SLIT3: variants seen among roughly 807,000 people sequenced by gnomAD.
SLIT3 encodes slit guidance ligand 3, also known as slit homolog 3 protein.
Under a neutral mutation model 184.0 loss-of-function variants are expected in SLIT3, and 68 were observed. The ratio of observed to expected loss-of-function variants is 0.37; its 90% CI spans 0.30 to 0.45. The LOEUF is 0.45. Among genes scored for constraint, SLIT3 ranks in the 20% least tolerant of loss-of-function variants. The pLI, the probability that SLIT3 is intolerant of heterozygous loss-of-function variation, is 1.00. For missense variants in SLIT3, 1,707 were observed against 2,026.0 expected (o/e 0.84, Z 3.02); for synonymous variants, 831 against 828.6 (o/e 1.00, Z -0.05).
At chr5:168,718,132 A>G (rs1762805760) in intron 23 of SLIT3, 1 of 149,788 alleles carries the variant, frequency 6.7e-6, no homozygotes, top group Admixed American at 6.6e-5. Flanking sequence ...CTGGCTCAGC[A>G]GAAGAATTTT....
chr5:168,753,904 G>A lies in SLIT3; in HGVS notation c.1789C>T (p.His597Tyr), dbSNP rs1051632446. 33 of 1,611,850 alleles carry A rather than the reference G, an allele frequency of 2.0e-5. No individual in the cohort carries two copies. The highest frequency in any genetic ancestry group is 2.5e-5 in the Non-Finnish European group (30 of 1,180,012). ...MLTGNQLETV[H>Y]GRVFRGLSGL... ...CTGAGGCCACGGAACACGCGCCCGT[G>A]CACGGTCTCCAGCTGGTTCCCTGTC... Residue 597 changes from histidine to tyrosine, a missense_variant, in exon 17 of 36, where the codon CAC becomes TAC. Around this residue, in one of 3 missense-constraint regions of SLIT3, gnomAD observed 1,307 missense variants for 1,511.6 expected, o/e 0.86. Transcript: ENST00000519560.
At chr5:168,704,323 G>A (rs978531206) in intron 26 of SLIT3, among the ~76,000 whole-genome samples, 2 of 138,732 alleles carry the variant, frequency 1.4e-5, no homozygotes, top group African/African-American at 3.5e-5. Flanking sequence ...CCTTTGTGAA[G>A]TATCTACTGA....
chr5:169,270,071 A>G (rs1317106928), intron 1 of SLIT3, among the ~76,000 whole-genome samples: 1 of 152,192 alleles, frequency 6.6e-6, no homozygotes, highest in Non-Finnish European at 1.5e-5. Flanking sequence ...GAAGACCCAC[A>G]AGAGGGAGGC....
intron 4 of SLIT3, among the ~76,000 whole-genome samples, chr5:169,192,640 G>A (rs1763594920): frequency 6.6e-6 from 1 of 152,116 alleles, no homozygotes; most frequent in South Asian, 2.1e-4. Context: ...TCCCTGCAAT[G>A]TTAAAGCCTT....
intron 4 of SLIT3, among the ~76,000 whole-genome samples, chr5:169,032,712 T>C (rs1757077151): frequency 6.7e-6 from 1 of 150,346 alleles, no homozygotes; most frequent in Admixed American, 6.7e-5. Context: ...ACTGTTAACA[T>C]ATAATCTAAA....
intron 7 of SLIT3, among the ~76,000 whole-genome samples, chr5:168,818,649 C>T (rs1757420915): frequency 6.6e-6 from 1 of 152,230 alleles, no homozygotes; most frequent in Non-Finnish European, 1.5e-5. Flanking sequence ...TAGTCTGTGT[C>T]AAGCCAGTTA....
At chr5:169,206,971 G>A (rs1277609694) in intron 3 of SLIT3, among the ~76,000 whole-genome samples, 3 of 151,506 alleles carry the variant, frequency 2.0e-5, no homozygotes, top group Non-Finnish European at 4.4e-5. Context: ...TGGAAAGGGA[G>A]CTGGGTAAAA....
chr5:168,763,540 T>G (rs900733200), intron 14 of SLIT3, among the ~76,000 whole-genome samples: 22 of 152,188 alleles, frequency 1.4e-4, no homozygotes, highest in Admixed American at 1.4e-3. Flanking sequence ...AGCTAAAAGT[T>G]GGAGCTGAGA....
At chr5:168,858,247 GAGA>G (rs1758972648) in intron 5 of SLIT3, among the ~76,000 whole-genome samples, 1 of 152,218 alleles carries the variant, frequency 6.6e-6, no homozygotes, top group Non-Finnish European at 1.5e-5. Flanking sequence ...GCGACTCACT[GAGA>G]AGTTCTGGGA....
At position 169,185,846 on chromosome 5, in the gene SLIT3, G is replaced by C. The variant is rs575964626; in HGVS notation, c.413+7633C>G. Among the ~76,000 whole-genome samples the C allele has an allele frequency of 3.5e-4, 53 of 152,290 alleles. No individual in the cohort carries two copies. In the South Asian group the frequency reaches 5.0e-3, roughly 14 times the overall value. On this transcript the variant is annotated intron_variant, in intron 4 of 35. Transcript: ENST00000519560. ...GTAACTTCTCCAAAGTACAGTACAG[G>C]AATCACGGTTAGGAATGTGGGCTCT...
intron 20 of SLIT3, among the ~76,000 whole-genome samples, chr5:168,746,956 GGTGTGGTGGTGTGTGGT>G (rs1561907961): frequency 1.5e-5 from 2 of 135,850 alleles, no homozygotes. Context: ...TGGTGGTGTG[GGTGTGGTGGTGTGTGGT>G]GTGTGGTGGT....
intron 3 of SLIT3, among the ~76,000 whole-genome samples, chr5:169,224,526 C>T (rs188994609): frequency 4.0e-5 from 6 of 151,888 alleles, no homozygotes; most frequent in Non-Finnish European, 5.9e-5. Flanking sequence ...CACTACCACA[C>T]GTGGCTAACC....
intron 13 of SLIT3, among the ~76,000 whole-genome samples, chr5:168,773,595 A>G (rs1755639820): frequency 6.6e-6 from 1 of 151,832 alleles, no homozygotes; most frequent in African/African-American, 2.4e-5. Flanking sequence ...CCCGAGGCTA[A>G]TTGCAGACCT....
At chr5:168,865,173 C>CAAAA (rs70979103) in intron 5 of SLIT3, among the ~76,000 whole-genome samples, 23 of 56,186 alleles carry the variant, frequency 4.1e-4, no homozygotes, top group African/African-American at 8.2e-4. Flanking sequence ...AACTCCGTCT[C>CAAAA]AAAAAAAAAA....
At chr5:168,685,485 G>T (rs1761714540) in intron 31 of SLIT3, among the ~76,000 whole-genome samples, 1 of 152,250 alleles carries the variant, frequency 6.6e-6, no homozygotes, top group South Asian at 2.1e-4. Flanking sequence ...GAGGCTGGAA[G>T]TGGGGGCTGC....
chr5:168,866,887 G>A (rs17635676), intron 5 of SLIT3, among the ~76,000 whole-genome samples: 16,066 of 152,218 alleles, frequency 0.11, 1,080 homozygotes, highest in Non-Finnish European at 0.15. Context: ...CTCTGCATTA[G>A]GTACTACCTT....
chr5:169,262,916 A>G (rs11134565), intron 1 of SLIT3, among the ~76,000 whole-genome samples: 15,683 of 152,196 alleles, frequency 0.1, 964 homozygotes, highest in Admixed American at 0.21. Flanking sequence ...CTCAAAAGAT[A>G]TATTGAAGTC....
chr5:168,844,134 C>G (rs1179233025), intron 6 of SLIT3, among the ~76,000 whole-genome samples: 1 of 152,080 alleles, frequency 6.6e-6, no homozygotes, highest in Non-Finnish European at 1.5e-5. Context: ...CTTTCTGATT[C>G]AGGTAATTCC....
At chr5:168,846,942 A>G (rs1379716560) in intron 5 of SLIT3, among the ~76,000 whole-genome samples, 1 of 152,196 alleles carries the variant, frequency 6.6e-6, no homozygotes, top group Non-Finnish European at 1.5e-5. Flanking sequence ...GAGAATAAAA[A>G]AAGTATGTGG....
Sources: allele counts gnomAD v4.1 joint callset (sites outside exome capture counted in the v4.1 genomes callset), GRCh38; gene constraint gnomAD v4.1.1; regional missense constraint gnomAD v4.1.1; transcripts MANE v1.5; gene names NCBI Gene and HGNC (gene_info 2026-07-23, HGNC 2026-07-21).